The following GRK1 variants were observed in gnomAD, a reference collection of about 807,000 sequenced individuals.
GRK1 encodes the protein rhodopsin kinase GRK1.
Under a neutral mutation model 41.7 loss-of-function variants are expected in GRK1, and 28 were observed. The ratio of observed to expected loss-of-function variants is 0.67; its 90% CI spans 0.50 to 0.92. The LOEUF is 0.92. Among genes scored for constraint, GRK1 ranks in the 40% least tolerant of loss-of-function variants. The probability of loss-of-function intolerance (pLI) is 0.00; values close to 1 mark genes in which losing one functional copy is unlikely to be tolerated. For synonymous variants in GRK1, 327 were observed against 286.7 expected (o/e 1.14, Z -1.42); for missense variants, 703 against 671.2 (o/e 1.05, Z -0.52).
At position 113,732,885 on chromosome 13, in the gene GRK1, T is replaced by C; in HGVS notation, c.1196T>C (p.Val399Ala). Residue 399 changes from valine (V) to alanine (A), a missense_variant and splice_region_variant, in exon 6 of 7, where the codon GTG becomes GCG. Physicochemically the swap from Val to Ala is moderately conservative, Grantham distance 64 (BLOSUM62 0). Transcript: ENST00000335678. ...CTAAGGCTACGCGTGTCCCCACAGG[T>C]GGAGAACAAGGAGCTGAAGCACCGG... The part of the protein sequence containing the change: ...RGPFRARGEK[V>A]ENKELKHRII... 5.9e-6 allele frequency: 9 copies of C among 1,534,384 alleles called. No individual in the cohort carries two copies. Among genetic ancestry groups the C allele is most frequent in the East Asian group, 2.5e-5 (1 of 40,784 alleles).
chr13:113,663,742 G>A (rs535912189), upstream of GRK1, among the ~76,000 whole-genome samples: 25 of 152,258 alleles, frequency 1.6e-4, no homozygotes, highest in African/African-American at 4.3e-4. Context: ...AATTACAACC[G>A]TAAGGGAATA....
rs1347279043 is a variant in GRK1, at chr13:113,733,979, CATGT to C, written c.1396+895_1396+898del. 2.9e-5 allele frequency among the ~76,000 whole-genome samples: 3 copies of C among 103,598 alleles called. 1 individual carries two copies. The highest frequency in any genetic ancestry group is 1.1e-4 in the African/African-American group (3 of 26,778). 68.0% of individuals were successfully genotyped at this position (103,598 alleles called of 152,430 possible). A position where few individuals can be genotyped will look rare whatever the true frequency, so the allele number is the denominator to read the frequency against. On this transcript the variant is annotated intron_variant, in intron 6 of 6. Coordinates refer to ENST00000335678, the MANE Select transcript of GRK1 (RefSeq NM_002929.3). Reference sequence around the variant, plus strand: ...GCATACGTGTGTGTGCGTGTGTGCGCATGTGTGTGCATACATGTGTGTGCGTGTG... The same window carrying C: ...GCATACGTGTGTGTGCGTGTGTGCGCGTGTGCATACATGTGTGTGCGTGTG...
At chr13:113,651,559 G>T in the GRK1 span, 1 of 1,248,658 alleles carries the variant, frequency 8.0e-7, no homozygotes, top group Non-Finnish European at 1.1e-6. Flanking sequence ...TTACTGGGCC[G>T]ACGGCTGACA....
In GRK1 at chr13:113,669,677, C is replaced by A; in HGVS notation, c.700-10C>A. On this transcript the variant is annotated splice_polypyrimidine_tract_variant and intron_variant, in intron 1 of 6. Transcript: ENST00000335678. ...CAAAGCCAGTGCGTACTCAGCGTCTCACTTTTCAGGGTGCTATGGTGGAGA... is the reference window on the plus strand; with the variant it reads ...CAAAGCCAGTGCGTACTCAGCGTCTAACTTTTCAGGGTGCTATGGTGGAGA... 1 of 1,613,898 alleles carries A rather than the reference C, an allele frequency of 6.2e-7. No homozygotes were observed. Among genetic ancestry groups the A allele is most frequent in the Non-Finnish European group, 8.5e-7 (1 of 1,179,804 alleles).
chr13:113,650,885 G>A, the GRK1 span, among the ~76,000 whole-genome samples: 1 of 152,108 alleles, frequency 6.6e-6, no homozygotes, highest in African/African-American at 2.4e-5. This position sits in a 1 kb window ranked among gnomAD's most constrained non-coding sequence, Gnocchi z 5.0. Flanking sequence ...GCAAGCGAAT[G>A]CGTTTTTGTG....
At chr13:113,653,118 C>T in the GRK1 span, 84 of 1,572,104 alleles carry the variant, frequency 5.3e-5, no homozygotes, top group South Asian at 1.6e-4. Flanking sequence ...CTGGCCCTGA[C>T]GCCTGGCTGC....
intron 4 of GRK1, among the ~76,000 whole-genome samples, 172 bp downstream of exon 4, chr13:113,723,329 C>T (rs1238193175): frequency 6.6e-6 from 1 of 151,712 alleles, no homozygotes; most frequent in African/African-American, 2.4e-5. Flanking sequence ...TGTTGTGAAC[C>T]CTGATATCTG....
Position 113,667,659 on chromosome 13 carries a change from C to T in GRK1, c.273C>T (p.Asp91=), listed in dbSNP as rs1195491433. Residue 91 remains aspartate, a synonymous_variant, in exon 1 of 7, where the codon GAC becomes GAT. Coordinates refer to ENST00000335678, the MANE Select transcript of GRK1 (RefSeq NM_002929.3). The surrounding 1 kb of genome is among the most constrained non-coding windows in gnomAD (Gnocchi z 7.5). ...TGCCGGCCCTGGAGCTCTGGAAAGA[C>T]ATCGAGGACTATGACACGGCAGACA... The part of the protein sequence containing the change: ...KHLPALELWK[D]IEDYDTADND... 3.1e-6 allele frequency: 5 copies of T among 1,613,608 alleles called. No homozygotes were observed. Among genetic ancestry groups the T allele is most frequent in the Non-Finnish European group, 4.2e-6 (5 of 1,179,900 alleles).
intron 4 of GRK1, among the ~76,000 whole-genome samples, chr13:113,725,498 T>G (rs36185198): frequency 6.3e-4 from 1 of 1,592 alleles, no homozygotes; most frequent in Non-Finnish European, 1.2e-3. Context: ...CTAGTTTGAG[T>G]TCAGGGGCGG....
chr13:113,734,076 ATGTG>A (rs374765487), intron 6 of GRK1, among the ~76,000 whole-genome samples: 3 of 151,576 alleles, frequency 2.0e-5, no homozygotes, highest in Admixed American at 6.6e-5. Flanking sequence ...GTGTGCGTGT[ATGTG>A]TGTGTGTTCA....
intron 6 of GRK1, among the ~76,000 whole-genome samples, chr13:113,733,668 TGCACGTGTGTGC>T (rs2049960324): frequency 4.4e-5 from 4 of 90,186 alleles, no homozygotes; most frequent in African/African-American, 2.3e-4. Flanking sequence ...TGTGCGTGTG[TGCACGTGTGTGC>T]ATGTATGTGT....
chr13:113,731,459 T>C lies in GRK1; in HGVS notation c.1194+116T>C. On this transcript the variant is annotated intron_variant, in intron 5 of 6. Coordinates refer to ENST00000335678, the MANE Select transcript of GRK1 (RefSeq NM_002929.3). The surrounding 1 kb of genome is among the most constrained non-coding windows in gnomAD (Gnocchi z 5.6). ...GACCTGGGAGTTGTTCTGTGGGCCCTGGGGTGGGGAGGGCACAGATTCACG... is the reference window on the plus strand; with the variant it reads ...GACCTGGGAGTTGTTCTGTGGGCCCCGGGGTGGGGAGGGCACAGATTCACG... 7.4e-7 allele frequency: 1 copy of C among 1,351,986 alleles called. No homozygotes were observed. Among genetic ancestry groups the C allele is most frequent in the Non-Finnish European group, 1.0e-6 (1 of 1,001,764 alleles). 83.7% of individuals were successfully genotyped at this position (1,351,986 alleles called of 1,614,324 possible).
rs187053890 is a variant in GRK1 at position 113,737,336 on chromosome 13, A to C, written c.*1973A>C. On this transcript the variant is annotated 3_prime_UTR_variant, in exon 7 of 7. Transcript: ENST00000335678. ...GAGCACGTCTTCCCATAGATCCCAC[A>C]TCGGCCACACCCTGGGTGAGGAGCA... The C allele has an allele frequency of 1.5e-5, 1 of 67,642 alleles. No individual in the cohort carries two copies. The highest frequency in any genetic ancestry group is 4.3e-4 in the East Asian group (1 of 2,352). The allele number at this position is 67,642 out of a possible 1,614,324, so 4.2% of individuals were successfully genotyped here.
At chr13:113,659,122 G>T in the GRK1 span, among the ~76,000 whole-genome samples, 1 of 152,200 alleles carries the variant, frequency 6.6e-6, no homozygotes, top group Non-Finnish European at 1.5e-5. Flanking sequence ...TGAGCCTCTC[G>T]CCCATGGGTC....
the GRK1 span, chr13:113,653,524 C>CGGTG: frequency 1.7e-6 from 2 of 1,185,644 alleles, no homozygotes; most frequent in Non-Finnish European, 2.5e-6. Context: ...ACGCCAGAGG[C>CGGTG]GGTGGCCCAA....
At chr13:113,659,409 C>A in the GRK1 span, among the ~76,000 whole-genome samples, 1 of 152,128 alleles carries the variant, frequency 6.6e-6, no homozygotes, top group Non-Finnish European at 1.5e-5. Flanking sequence ...CTAGGCCGTC[C>A]CTCTCAGGGA....
chr13:113,649,363 C>G, the GRK1 span: 1 of 1,587,792 alleles, frequency 6.3e-7, no homozygotes, highest in Non-Finnish European at 8.6e-7. This position sits in a 1 kb window ranked among gnomAD's most constrained non-coding sequence, Gnocchi z 4.7. Flanking sequence ...AGGACCCCTG[C>G]GCAAACCGTT....
the GRK1 span, among the ~76,000 whole-genome samples, chr13:113,649,889 G>A: frequency 3.2e-4 from 48 of 152,296 alleles, no homozygotes; most frequent in African/African-American, 1.1e-3. This position sits in a 1 kb window ranked among gnomAD's most constrained non-coding sequence, Gnocchi z 4.7. Context: ...TAGGCTGGGC[G>A]CAGTGGCTCA....
chr13:113,733,720 T>C (rs1189875691), intron 6 of GRK1, among the ~76,000 whole-genome samples: 2 of 144,496 alleles, frequency 1.4e-5, no homozygotes, highest in African/African-American at 5.2e-5. Context: ...TGCGCACGTG[T>C]GTGTGCGCGC....
Sources: gnomAD v4.1 joint callset for allele counts (sites outside exome capture counted in the v4.1 genomes callset) on GRCh38, gnomAD v4.1.1 for gene constraint, Gnocchi (gnomAD v3.1) non-coding constraint, MANE v1.5 for transcripts, NCBI Gene and HGNC (gene_info 2026-07-23, HGNC 2026-07-21) for gene names.